DGKG: variants seen among roughly 807,000 people sequenced by gnomAD.
DGKG encodes diacylglycerol kinase gamma.
Under a neutral mutation model 105.3 loss-of-function variants are expected in DGKG, and 78 were observed. That is an observed-to-expected ratio of 0.74 (90% CI 0.62 to 0.89). DGKG has a LOEUF of 0.89. DGKG is among the 40% of genes least tolerant of loss of function. The probability of loss-of-function intolerance (pLI) is 0.00; values close to 1 mark genes in which losing one functional copy is unlikely to be tolerated. For synonymous variants in DGKG, 346 were observed against 367.1 expected, an observed-to-expected ratio of 0.94 and a Z score of 0.66; for missense variants, 958 against 1,020.1, an observed-to-expected ratio of 0.94 and a Z score of 0.83.
At chr3:186,161,036 C>A (rs887227205) in intron 24 of DGKG, 129 of 986,272 alleles carry the variant, frequency 1.3e-4, no homozygotes, top group Admixed American at 3.0e-4. Context: ...AAATAGATAA[C>A]CTGCGTGGTG....
intron 24 of DGKG, among the ~76,000 whole-genome samples, chr3:186,152,556 T>C (rs1177679021): frequency 1.3e-5 from 2 of 152,216 alleles, no homozygotes; most frequent in African/African-American, 4.8e-5. Context: ...TACAACACAC[T>C]GTGGAAGTAC....
intron 22 of DGKG, among the ~76,000 whole-genome samples, chr3:186,176,068 C>T (rs1157669218): frequency 2.0e-5 from 3 of 152,150 alleles, no homozygotes; most frequent in Non-Finnish European, 2.9e-5. Flanking sequence ...TGACAGGGTA[C>T]CCGAAGGCAG....
intron 1 of DGKG, among the ~76,000 whole-genome samples, chr3:186,356,794 G>T (rs1194598417): frequency 6.6e-6 from 1 of 152,174 alleles, no homozygotes; most frequent in Non-Finnish European, 1.5e-5. Flanking sequence ...CCATTAATAG[G>T]TTGCGAGATC....
rs745801503 is a variant in DGKG at position 186,297,431 on chromosome 3, G to A, written c.363C>T (p.Ala121=). Residue 121 remains alanine (A), a synonymous_variant, in exon 5 of 25, where the codon GCC becomes GCT. Transcript: ENST00000265022. ...DNATKADEAC[A]PDTESNMAEK... ...ATTCCAAAGACTTACCAGTATCAGG[G>A]GCACAGGCCTCGTCTGCTTTGGTGG... is the stretch of plus-strand genomic sequence containing the variant. 3 of 1,611,294 alleles carry A rather than the reference G, an allele frequency of 1.9e-6. No homozygotes were observed. Among genetic ancestry groups the A allele is most frequent in the Non-Finnish European group, 2.5e-6 (3 of 1,177,450 alleles).
intron 1 of DGKG, among the ~76,000 whole-genome samples, chr3:186,327,809 T>TGAATCATACCACACCATA (rs1335881338): frequency 6.6e-6 from 1 of 152,170 alleles, no homozygotes. Context: ...ACCATACCTG[T>TGAATCATACCACACCATA]TCATAGAGAT....
At chr3:186,316,016 C>T (rs867556798) in intron 2 of DGKG, among the ~76,000 whole-genome samples, 1 of 152,220 alleles carries the variant, frequency 6.6e-6, no homozygotes, top group Non-Finnish European at 1.5e-5. Context: ...AAAGAAAGGA[C>T]ATATGGAGAG....
chr3:186,353,770 C>T (rs532528750), intron 1 of DGKG, among the ~76,000 whole-genome samples: 1 of 151,796 alleles, frequency 6.6e-6, no homozygotes, highest in African/African-American at 2.4e-5. Flanking sequence ...GAAATGAGTC[C>T]TATGACTAGC....
At chr3:186,265,368 A>T (rs1721997233) in intron 13 of DGKG, 62 bp from the exon 14 acceptor site, 3 of 1,495,474 alleles carry the variant, frequency 2.0e-6, no homozygotes, top group Non-Finnish European at 2.8e-6. Flanking sequence ...AAAGAAAGAG[A>T]TCAGATGAAA....
At chr3:186,330,216 A>G (rs1376821563) in intron 1 of DGKG, among the ~76,000 whole-genome samples, 1 of 152,222 alleles carries the variant, frequency 6.6e-6, no homozygotes, top group East Asian at 1.9e-4. Context: ...TATTAAAATA[A>G]TGACCTACAC....
At chr3:186,338,842 C>T (rs896978000) in intron 1 of DGKG, among the ~76,000 whole-genome samples, 1 of 151,936 alleles carries the variant, frequency 6.6e-6, no homozygotes, top group Non-Finnish European at 1.5e-5. Context: ...AGGCAGATAC[C>T]CAAGCAGTTA....
Position 186,151,383 on chromosome 3 carries a change from G to A in DGKG, c.2278-1195C>T, listed in dbSNP as rs536000118. ...AACTCTTGAACACAGAACCATCAAC[G>A]AGTTTAAATCAATGTCGGCTAAACC... On this transcript the variant is annotated intron_variant, in intron 24 of 24. Transcript: ENST00000265022. 2.6e-4 allele frequency among the ~76,000 whole-genome samples: 39 copies of A among 152,316 alleles called. 1 individual carries two copies. The highest frequency in any genetic ancestry group is 3.9e-4 in the East Asian group (2 of 5,188).
At chr3:186,353,029 C>T (rs751445090) in intron 1 of DGKG, among the ~76,000 whole-genome samples, 29 of 152,210 alleles carry the variant, frequency 1.9e-4, no homozygotes, top group Non-Finnish European at 3.2e-4. Flanking sequence ...GCTCCAGCAA[C>T]ACTGAAGTGT....
chr3:186,157,285 ATAG>A (rs371855680), intron 24 of DGKG, among the ~76,000 whole-genome samples: 9 of 152,246 alleles, frequency 5.9e-5, no homozygotes, highest in African/African-American at 2.2e-4. Context: ...ATTTAAACTA[ATAG>A]TAGAAGACTT....
rs1724887542 is a variant in DGKG at position 186,317,773 on chromosome 3, G to T, written c.67+2620C>A. ...GCACCGGCTATACTGCAGCACCCGTGCTTGAGTCCTGTTTGTCTTCCCCTG... is the reference window on the plus strand; with the variant it reads ...GCACCGGCTATACTGCAGCACCCGTTCTTGAGTCCTGTTTGTCTTCCCCTG... On this transcript the variant is annotated intron_variant, in intron 2 of 24. Transcript: ENST00000265022. Among the ~76,000 whole-genome samples, 3 of 152,140 alleles carry T rather than the reference G, an allele frequency of 2.0e-5. No homozygotes were observed. The South Asian group carries it at 6.2e-4, about 32-fold the overall frequency.
intron 24 of DGKG, chr3:186,158,483 A>G (rs561156735): frequency 1.0e-6 from 1 of 967,844 alleles, no homozygotes; most frequent in East Asian, 1.1e-4. Context: ...TTAATCTTCT[A>G]TTAGTAATTT....
intron 21 of DGKG, among the ~76,000 whole-genome samples, chr3:186,194,377 C>T (rs1332386145): frequency 6.6e-6 from 1 of 152,218 alleles, no homozygotes; most frequent in African/African-American, 2.4e-5. Context: ...GCTTCCCAGC[C>T]GGTGCCGGCG....
intron 1 of DGKG, among the ~76,000 whole-genome samples, chr3:186,323,931 C>T (rs575406905): frequency 3.6e-4 from 44 of 123,134 alleles, no homozygotes; most frequent in South Asian, 1.4e-3. Flanking sequence ...AGTGAGACTC[C>T]GTCTCAAAAA....
intron 20 of DGKG, among the ~76,000 whole-genome samples, chr3:186,228,311 T>G (rs1560104812): frequency 6.6e-6 from 1 of 152,186 alleles, no homozygotes; most frequent in Non-Finnish European, 1.5e-5. Context: ...TCTCTCCCCC[T>G]GGGGATTGCC....
chr3:186,238,821 T>C (rs1336155217), intron 20 of DGKG, among the ~76,000 whole-genome samples: 1 of 152,150 alleles, frequency 6.6e-6, no homozygotes, highest in African/African-American at 2.4e-5. Flanking sequence ...TCAGAGAACA[T>C]AACTTGGTTT....
Sources: allele counts gnomAD v4.1 joint callset (sites outside exome capture counted in the v4.1 genomes callset), GRCh38; gene constraint gnomAD v4.1.1; transcripts MANE v1.5; gene names NCBI Gene and HGNC (gene_info 2026-07-23, HGNC 2026-07-21).